PHLPP1: variants seen among roughly 807,000 people sequenced by gnomAD.
PHLPP1 encodes PH domain and leucine rich repeat protein phosphatase 1, also known as PH domain leucine-rich repeat-containing protein phosphatase 1.
In PHLPP1, 42 loss-of-function variants were observed where a neutral mutation model predicts 117.2. The observed-to-expected ratio is 0.36, with a 90% CI of 0.28 to 0.46. PHLPP1 has a LOEUF of 0.46. Ranked by LOEUF, PHLPP1 falls within the 20% of genes least tolerant of loss-of-function variation. The probability of loss-of-function intolerance (pLI) is 1.00; values close to 1 mark genes in which losing one functional copy is unlikely to be tolerated. For missense variants in PHLPP1, 2,084 were observed against 2,241.9 expected (o/e 0.93, Z 1.42); for synonymous variants, 1,042 against 970.7 (o/e 1.07, Z -1.37).
intron 3 of PHLPP1, among the ~76,000 whole-genome samples, chr18:62,850,084 T>TG (rs1385095134): frequency 6.6e-6 from 1 of 150,670 alleles, no homozygotes; most frequent in Non-Finnish European, 1.5e-5. Context: ...TTTTTTTTTT[T>TG]TTTTTGTATT....
intron 6 of PHLPP1, among the ~76,000 whole-genome samples, chr18:62,902,002 T>C (rs1470696588): frequency 1.3e-5 from 2 of 152,174 alleles, no homozygotes; most frequent in Non-Finnish European, 2.9e-5. Context: ...AGATGGTTTT[T>C]GTTGTTTGTT....
At chr18:62,964,484 T>C (rs1156799660) in intron 14 of PHLPP1, among the ~76,000 whole-genome samples, 1 of 152,234 alleles carries the variant, frequency 6.6e-6, no homozygotes, top group Non-Finnish European at 1.5e-5. Flanking sequence ...ACTCAAATTC[T>C]GGATCTGACA....
Position 62,941,862 on chromosome 18 carries a change from C to A in PHLPP1, c.3105C>A (p.His1035Gln). Reference protein sequence around the residue: ...TDKCVPLLTGHPHLKILHMAY... With the variant: ...TDKCVPLLTGQPHLKILHMAY... ...AATGTGTGCCCTTGTTAACGGGACA[C>A]CCCCATTTGAAGATCCTTCACATGG... is the stretch of plus-strand genomic sequence containing the variant. The change falls in exon 11 of 17, where the codon CAC (histidine) becomes CAA (glutamine). Residue 1035 changes from histidine to glutamine, a missense_variant. Coordinates refer to ENST00000262719, the MANE Select transcript of PHLPP1 (RefSeq NM_194449.4). 6.2e-7 allele frequency: 1 copy of A among 1,613,920 alleles called. No individual in the cohort carries two copies. Among genetic ancestry groups the A allele is most frequent in the Non-Finnish European group, 8.5e-7 (1 of 1,179,814 alleles).
intron 14 of PHLPP1, among the ~76,000 whole-genome samples, chr18:62,967,030 G>C (rs901310020): frequency 6.6e-6 from 1 of 152,094 alleles, no homozygotes; most frequent in Non-Finnish European, 1.5e-5. Flanking sequence ...AGATTCATTT[G>C]TACTATTGCA....
intron 1 of PHLPP1, among the ~76,000 whole-genome samples, chr18:62,766,076 A>AAAAAAATATATATAT: frequency 2.8e-4 from 6 of 21,660 alleles, no homozygotes; most frequent in African/African-American, 6.0e-4. Flanking sequence ...AAAAAAAAAA[A>AAAAAAATATATATAT]ATATATATAT....
chr18:62,762,849 A>G (rs1912300228), intron 1 of PHLPP1, among the ~76,000 whole-genome samples: 1 of 152,218 alleles, frequency 6.6e-6, no homozygotes, highest in Admixed American at 6.5e-5. Context: ...CTCAAAGGAA[A>G]TACCTCTATT....
At chr18:62,750,323 C>G (rs1405618095) in intron 1 of PHLPP1, among the ~76,000 whole-genome samples, 1 of 152,158 alleles carries the variant, frequency 6.6e-6, no homozygotes. Flanking sequence ...ATGAGGCTTT[C>G]ACCTAGACAA....
chr18:62,748,433 G>T (rs1331510726), intron 1 of PHLPP1, among the ~76,000 whole-genome samples: 2 of 152,020 alleles, frequency 1.3e-5, no homozygotes, highest in Non-Finnish European at 2.9e-5. Flanking sequence ...TTTCCGTAGA[G>T]ATGGGTTTTT....
intron 1 of PHLPP1, among the ~76,000 whole-genome samples, chr18:62,791,549 C>T (rs1913457834): frequency 6.6e-6 from 1 of 152,164 alleles, no homozygotes; most frequent in Non-Finnish European, 1.5e-5. Flanking sequence ...AAGGGAGATC[C>T]AATTTCCTGC....
In PHLPP1 at chr18:62,716,885, C is replaced by G. The variant is rs1203712811; in HGVS notation, c.1202C>G (p.Ala401Gly). 3 of 1,527,892 alleles carry G rather than the reference C, an allele frequency of 2.0e-6. No homozygotes were observed. In the African/African-American group the frequency reaches 4.2e-5, roughly 21 times the overall value. 94.6% of individuals were successfully genotyped at this position (1,527,892 alleles called of 1,614,324 possible). ...PGQPRRPGHP[A>G]QPLPLPQTAS... ...CAGCCCCGCCGTCCCGGCCACCCCG[C>G]GCAGCCCCTCCCGCTTCCCCAGACG... Residue 401 changes from alanine to glycine, a missense_variant, in exon 1 of 17, where the codon GCG (alanine) becomes GGG (glycine). By Grantham distance (60) the Ala-to-Gly change is moderately conservative. Transcript: ENST00000262719. The surrounding 1 kb of genome is among the most constrained non-coding windows in gnomAD (Gnocchi z 5.7).
chr18:62,964,048 A>G (rs1910839942), intron 14 of PHLPP1, among the ~76,000 whole-genome samples: 1 of 151,736 alleles, frequency 6.6e-6, no homozygotes, highest in African/African-American at 2.4e-5. Flanking sequence ...ACAGATATTG[A>G]TTTTTCCTGA....
At chr18:62,823,929 A>T (rs1282289894) in intron 1 of PHLPP1, among the ~76,000 whole-genome samples, 1 of 152,034 alleles carries the variant, frequency 6.6e-6, no homozygotes, top group African/African-American at 2.4e-5. Context: ...GTGGGCAGTT[A>T]GAGACCAGCC....
chr18:62,715,605 G>A lies in PHLPP1; in HGVS notation c.-79G>A. 3 of 989,116 alleles carry A rather than the reference G, an allele frequency of 3.0e-6. No individual in the cohort carries two copies. The highest frequency in any genetic ancestry group is 2.6e-6 in the Non-Finnish European group (2 of 761,394). 61.3% of individuals were successfully genotyped at this position (989,116 alleles called of 1,614,324 possible). On this transcript the variant is annotated 5_prime_UTR_variant, in exon 1 of 17. Transcript: ENST00000262719. ...TCTCCCTTCTCCGCGCGCCGCCGCC[G>A]TCTCCCACCTCCGCCTCATCGCCTC...
At chr18:62,835,592 T>A (rs1452215818) in intron 2 of PHLPP1, among the ~76,000 whole-genome samples, 1 of 152,114 alleles carries the variant, frequency 6.6e-6, no homozygotes, top group Admixed American at 6.6e-5. Context: ...AAGTGAGTTT[T>A]TATTTTCTGA....
intron 1 of PHLPP1, among the ~76,000 whole-genome samples, chr18:62,744,562 T>C (rs1911622943): frequency 1.3e-5 from 2 of 152,200 alleles, no homozygotes; most frequent in African/African-American, 4.8e-5. Flanking sequence ...GGATATTGGT[T>C]TTTTAGTGCC....
chr18:62,741,272 T>C (rs1911519362), intron 1 of PHLPP1, among the ~76,000 whole-genome samples: 1 of 152,236 alleles, frequency 6.6e-6, no homozygotes. Flanking sequence ...TTGTATTTAT[T>C]GGGCTAGCAG....
intron 1 of PHLPP1, among the ~76,000 whole-genome samples, chr18:62,721,380 TAG>T (rs1910911135): frequency 6.6e-6 from 1 of 151,932 alleles, no homozygotes; most frequent in South Asian, 2.1e-4. Context: ...CATTGGGAAG[TAG>T]AGAATTAACA....
chr18:62,809,835 C>T (rs954493869), intron 1 of PHLPP1, among the ~76,000 whole-genome samples: 1 of 152,142 alleles, frequency 6.6e-6, no homozygotes, highest in Non-Finnish European at 1.5e-5. Context: ...ATTATGTTCT[C>T]TTCAGTGTTT....
chr18:62,861,648 A>G (rs1028712430), intron 4 of PHLPP1, among the ~76,000 whole-genome samples: 2 of 152,378 alleles, frequency 1.3e-5, no homozygotes, highest in South Asian at 2.1e-4. Flanking sequence ...TGATATGATC[A>G]GGAATTAAAA....
Sources: allele counts gnomAD v4.1 joint callset (sites outside exome capture counted in the v4.1 genomes callset), GRCh38; gene constraint gnomAD v4.1.1; non-coding constraint Gnocchi (gnomAD v3.1); transcripts MANE v1.5; gene names NCBI Gene and HGNC (gene_info 2026-07-23, HGNC 2026-07-21).